The following UBE2D3 variants were observed in gnomAD, a reference collection of about 807,000 sequenced individuals.
UBE2D3 encodes ubiquitin-conjugating enzyme E2 D3.
Under a neutral mutation model 22.8 loss-of-function variants are expected in UBE2D3, and 2 were observed. The ratio of observed to expected loss-of-function variants is 0.09; its 90% CI spans 0.04 to 0.28. UBE2D3 has a LOEUF of 0.28. Ranked by LOEUF, UBE2D3 falls within the 10% of genes least tolerant of loss-of-function variation. The pLI is 1.00. For synonymous variants in UBE2D3, 56 were observed against 60.4 expected, an observed-to-expected ratio of 0.93 and a Z score of 0.34; for missense variants, 27 against 182.5, an observed-to-expected ratio of 0.15 and a Z score of 4.91.
intron 1 of UBE2D3, among the ~76,000 whole-genome samples, chr4:102,837,742 G>T (rs911234838): frequency 6.6e-6 from 1 of 152,186 alleles, no homozygotes; most frequent in Non-Finnish European, 1.5e-5. Context: ...ACGAGGTCAG[G>T]AGATCGAGAC....
At chr4:102,827,875 G>A (rs942869363), upstream of UBE2D3, 3 of 985,716 alleles carry the variant, frequency 3.0e-6, no homozygotes, top group South Asian at 4.7e-5. Flanking sequence ...ATGGGAGGAA[G>A]GTAAAGGAAG....
chr4:102,854,378 T>C (rs1400771547), intron 1 of UBE2D3, among the ~76,000 whole-genome samples: 1 of 152,196 alleles, frequency 6.6e-6, no homozygotes, highest in Non-Finnish European at 1.5e-5. Context: ...ACTGATTTTC[T>C]GCCTGCTGGA....
At chr4:102,849,379 A>G (rs1732225852) in intron 1 of UBE2D3, among the ~76,000 whole-genome samples, 2 of 151,542 alleles carry the variant, frequency 1.3e-5, no homozygotes, top group Admixed American at 1.3e-4. Context: ...AAAAAAAAAA[A>G]AAAAAAGGAA....
At chr4:102,797,545 T>C in intron 7 of UBE2D3, 85 bp from the exon 8 acceptor site, 1 of 1,104,862 alleles carries the variant, frequency 9.1e-7, no homozygotes, top group Non-Finnish European at 1.3e-6. Context: ...CATTTTATCA[T>C]CTCCAGACTC....
chr4:102,854,276 T>A (rs959963961), intron 1 of UBE2D3, among the ~76,000 whole-genome samples: 3 of 152,178 alleles, frequency 2.0e-5, no homozygotes, highest in Non-Finnish European at 4.4e-5. Context: ...GTATATTTTT[T>A]AAGGATAATG....
intron 1 of UBE2D3, among the ~76,000 whole-genome samples, chr4:102,854,874 T>C (rs1044042315): frequency 3.3e-5 from 5 of 152,230 alleles, no homozygotes; most frequent in Non-Finnish European, 7.3e-5. Flanking sequence ...TCTGAAATAC[T>C]GTTTTGCCAT....
rs1262190285 is a variant in UBE2D3 at position 102,826,656 on chromosome 4, G to C, written c.-128-20C>G. On this transcript the variant is annotated intron_variant, in intron 1 of 7. Transcript: ENST00000453744. ...AGGCGCCTTTTGCAAAAACGGAGCA[G>C]ATCAGCACTCGCACAGGCCCCGAAG... The C allele has an allele frequency of 6.5e-7, 1 of 1,549,836 alleles. No individual in the cohort carries two copies. Among genetic ancestry groups the C allele is most frequent in the Non-Finnish European group, 8.6e-7 (1 of 1,158,908 alleles).
chr4:102,827,219 T>G (rs1250425720), intron 1 of UBE2D3: 1 of 983,322 alleles, frequency 1.0e-6, no homozygotes, highest in Non-Finnish European at 1.2e-6. Flanking sequence ...GCGCTGTCCC[T>G]GAGGCTCCGG....
Position 102,834,914 on chromosome 4 carries a change from G to A in UBE2D3, c.-128-8278C>T, listed in dbSNP as rs964554868. Among the ~76,000 whole-genome samples, 2 of 151,950 alleles carry A rather than the reference G, an allele frequency of 1.3e-5. 1 individual carries two copies. Among genetic ancestry groups the A allele is most frequent in the Middle Eastern group, 6.3e-3 (2 of 316 alleles). ...CCACCTCAGCCTCCTGAGTAGCTGG[G>A]ACTACAGGCATATGCCACTAGGCCC... On this transcript the variant is annotated intron_variant, in intron 1 of 7. Coordinates refer to the UBE2D3 transcript ENST00000338145.
At position 102,801,599 on chromosome 4, in the gene UBE2D3, C is replaced by A. The variant is rs763147954; in HGVS notation, c.199-40G>T. On this transcript the variant is annotated intron_variant, in intron 5 of 7. Coordinates refer to ENST00000453744, the MANE Select transcript of UBE2D3 (RefSeq NM_181891.3). ...TTTAAGTATTTTATTCAAATAAAAA[C>A]AAACATCTTTTAAAGCAAAACTTAA... The A allele has an allele frequency of 8.8e-6, 13 of 1,475,972 alleles. No individual in the cohort carries two copies. In the African/African-American group the frequency reaches 1.9e-4, roughly 21 times the overall value. The allele number at this position is 1,475,972 out of a possible 1,614,324, so 91.4% of individuals were successfully genotyped here. A position where few individuals can be genotyped will look rare whatever the true frequency, so the allele number is the denominator to read the frequency against.
chr4:102,823,481 CTT>C (rs1729955756), intron 2 of UBE2D3, among the ~76,000 whole-genome samples: 1 of 152,180 alleles, frequency 6.6e-6, no homozygotes, highest in Non-Finnish European at 1.5e-5. Context: ...TAAAGTCATA[CTT>C]CCAGAAATAA....
intron 1 of UBE2D3, among the ~76,000 whole-genome samples, chr4:102,844,516 TAAAG>T: frequency 6.6e-6 from 1 of 152,228 alleles, no homozygotes; most frequent in South Asian, 2.1e-4. Context: ...GAAACCAAAA[TAAAG>T]ATTGTTGTTA....
chr4:102,853,471 T>C (rs1279643404), intron 1 of UBE2D3, among the ~76,000 whole-genome samples: 1 of 152,168 alleles, frequency 6.6e-6, no homozygotes, highest in East Asian at 1.9e-4. Context: ...GTTCTGGCAT[T>C]CATGTAGTGG....
chr4:102,809,489 C>A, intron 4 of UBE2D3, 183 bp downstream of exon 4: 1 of 663,110 alleles, frequency 1.5e-6, no homozygotes, highest in Non-Finnish European at 2.5e-6. Context: ...GGGATAGACA[C>A]AAAGTACACG....
intron 1 of UBE2D3, among the ~76,000 whole-genome samples, chr4:102,835,089 A>C (rs1275941752): frequency 1.3e-5 from 2 of 152,194 alleles, no homozygotes; most frequent in African/African-American, 4.8e-5. Flanking sequence ...TGAATATAAA[A>C]TATTTTAAAT....
intron 1 of UBE2D3, among the ~76,000 whole-genome samples, chr4:102,835,914 C>G (rs1324793330): frequency 1.3e-5 from 2 of 152,044 alleles, no homozygotes; most frequent in African/African-American, 2.4e-5. Context: ...CACCTCTGAT[C>G]TATTTTCTGT....
At chr4:102,846,103 T>C (rs1265228214) in intron 1 of UBE2D3, among the ~76,000 whole-genome samples, 3 of 152,316 alleles carry the variant, frequency 2.0e-5, no homozygotes, top group Admixed American at 1.3e-4. Flanking sequence ...TCTCTGATAT[T>C]TATATGCCAT....
At chr4:102,830,793 G>A (rs897826506), upstream of UBE2D3, among the ~76,000 whole-genome samples, 1 of 152,190 alleles carries the variant, frequency 6.6e-6, no homozygotes, top group African/African-American at 2.4e-5. Context: ...CTCAGCCTGG[G>A]AGGTTGAGGC....
intron 2 of UBE2D3, among the ~76,000 whole-genome samples, chr4:102,813,218 G>A (rs901769339): frequency 4.6e-5 from 7 of 152,052 alleles, no homozygotes; most frequent in Admixed American, 1.3e-4. Context: ...TGCCCAAGCC[G>A]GACTACAGTG....
Sources: allele counts gnomAD v4.1 joint callset (sites outside exome capture counted in the v4.1 genomes callset), GRCh38; gene constraint gnomAD v4.1.1; transcripts MANE v1.5; gene names NCBI Gene and HGNC (gene_info 2026-07-23, HGNC 2026-07-21).